Variants in SLC26A8 observed in about 807,000 individuals in gnomAD.
SLC26A8 encodes the protein solute carrier family 26 member 8, also known as testis anion transporter 1.
In SLC26A8, 70 loss-of-function variants were observed where a neutral mutation model predicts 105.0. The observed-to-expected ratio is 0.67, with a 90% CI of 0.55 to 0.81. The LOEUF is 0.81. Ranked by LOEUF, SLC26A8 falls within the 40% of genes least tolerant of loss-of-function variation. The pLI, the probability that SLC26A8 is intolerant of heterozygous loss-of-function variation, is 0.00. For synonymous variants in SLC26A8, 415 were observed against 438.3 expected (o/e 0.95, Z 0.66); for missense variants, 998 against 1,181.8 (o/e 0.84, Z 2.28).
intron 14 of SLC26A8, 117 bp downstream of exon 14, chr6:35,960,726 T>C: frequency 1.1e-6 from 1 of 947,756 alleles, no homozygotes; most frequent in East Asian, 2.4e-5. Flanking sequence ...CCCTCCTTTG[T>C]AAATGTGTAT....
chr6:35,976,656 T>C (rs994791593), intron 9 of SLC26A8, among the ~76,000 whole-genome samples: 2 of 147,872 alleles, frequency 1.4e-5, no homozygotes, highest in African/African-American at 5.0e-5. Context: ...TTCTCCTGCC[T>C]CTGCCTCCCG....
At chr6:35,954,309 A>T (rs941604301) in intron 17 of SLC26A8, among the ~76,000 whole-genome samples, 3 of 152,094 alleles carry the variant, frequency 2.0e-5, no homozygotes, top group Admixed American at 6.6e-5. Context: ...GTGAGGAAGG[A>T]AGTGGGGAAG....
intron 16 of SLC26A8, among the ~76,000 whole-genome samples, chr6:35,957,379 T>A (rs564046811): frequency 2.6e-5 from 4 of 152,104 alleles, no homozygotes; most frequent in East Asian, 1.9e-4. Context: ...AAATAAATTT[T>A]AAAAATTTAA....
chr6:35,951,091 A>ACCACCCC, intron 19 of SLC26A8, 72 bp downstream of exon 19: 1 of 1,256,378 alleles, frequency 8.0e-7, no homozygotes, highest in Non-Finnish European at 1.1e-6. Flanking sequence ...CCAGCCCCCA[A>ACCACCCC]CCACCCCTCA....
intron 5 of SLC26A8, among the ~76,000 whole-genome samples, chr6:35,996,354 T>G (rs1386350446): frequency 6.6e-6 from 1 of 152,190 alleles, no homozygotes; most frequent in Non-Finnish European, 1.5e-5. Context: ...GTTCAGTAGA[T>G]GAACTTTTGG....
chr6:36,018,248 G>A (rs1032341539), intron 2 of SLC26A8, among the ~76,000 whole-genome samples: 15 of 152,204 alleles, frequency 9.9e-5, no homozygotes, highest in East Asian at 7.7e-4. Context: ...GCCTAATGGC[G>A]GTAGAAACAA....
rs572247628 is a variant in SLC26A8 at position 36,002,179 on chromosome 6, G to C, written c.329-2071C>G. 6.4e-4 allele frequency among the ~76,000 whole-genome samples: 97 copies of C among 152,164 alleles called. 1 individual carries two copies. The highest frequency in any genetic ancestry group is 2.3e-3 in the African/African-American group (94 of 41,496). On this transcript the variant is annotated intron_variant, in intron 3 of 19. Transcript: ENST00000490799. ...AGCAAAATAGGAAATTTATTAAAAG[G>C]GTACAAAGGGCAGTTAGACCTCATC... is the stretch of plus-strand genomic sequence containing the variant.
chr6:35,984,319 A>T (rs79308599), intron 7 of SLC26A8, among the ~76,000 whole-genome samples: 145 of 116,490 alleles, frequency 1.2e-3, no homozygotes, highest in Middle Eastern at 4.3e-3. Context: ...TCTTCTTCTT[A>T]TTTTTTTTTT....
chr6:35,955,570 C>T (rs756492223), intron 16 of SLC26A8, 50 bp from the exon 17 acceptor site: 21 of 1,588,678 alleles, frequency 1.3e-5, no homozygotes, highest in African/African-American at 5.4e-5. Flanking sequence ...CAACAAGGGC[C>T]GGAAGGACTT....
chr6:36,010,289 C>T (rs1032341785), intron 3 of SLC26A8, among the ~76,000 whole-genome samples: 12 of 152,100 alleles, frequency 7.9e-5, no homozygotes, highest in East Asian at 7.7e-4. Context: ...CAACAATTTG[C>T]GTGAATCTCA....
chr6:35,966,128 G>A (rs1012412806), intron 11 of SLC26A8, among the ~76,000 whole-genome samples: 5 of 151,856 alleles, frequency 3.3e-5, no homozygotes, highest in African/African-American at 7.3e-5. Context: ...ATCTTACCAC[G>A]AGGAATGGCT....
At chr6:35,954,274 G>A (rs1771976363) in intron 17 of SLC26A8, among the ~76,000 whole-genome samples, 1 of 152,148 alleles carries the variant, frequency 6.6e-6, no homozygotes, top group South Asian at 2.1e-4. Flanking sequence ...AATCATCCTT[G>A]TCCTTTTCAC....
chr6:36,007,066 GT>G (rs1407728210), intron 3 of SLC26A8, among the ~76,000 whole-genome samples: 1 of 152,132 alleles, frequency 6.6e-6, no homozygotes, highest in Non-Finnish European at 1.5e-5. Context: ...TTCCCCCTAT[GT>G]TCAGGAAGAA....
chr6:35,975,103 G>T (rs1426888421), intron 10 of SLC26A8, among the ~76,000 whole-genome samples: 1 of 152,044 alleles, frequency 6.6e-6, no homozygotes. Context: ...TACATGGAAA[G>T]TGGGGTTTTG....
At chr6:35,954,935 G>T (rs918759058) in intron 17 of SLC26A8, 9 of 498,542 alleles carry the variant, frequency 1.8e-5, no homozygotes, top group Middle Eastern at 1.2e-3. Flanking sequence ...ACAGAGTGAG[G>T]CTCCATCTCA....
At chr6:36,000,210 G>T in intron 3 of SLC26A8, 102 bp from the exon 4 acceptor site, 1 of 721,066 alleles carries the variant, frequency 1.4e-6, no homozygotes, top group Non-Finnish European at 2.4e-6. Context: ...CATGTGTATA[G>T]CTGACTGAGT....
At chr6:35,946,894 T>A (rs919222511) in intron 19 of SLC26A8, among the ~76,000 whole-genome samples, 11 of 152,200 alleles carry the variant, frequency 7.2e-5, no homozygotes, top group Non-Finnish European at 1.2e-4. Context: ...CTCACTATGT[T>A]GTCCAGGTTG....
chr6:36,016,015 G>C (rs1449220664), intron 2 of SLC26A8, among the ~76,000 whole-genome samples: 1 of 150,802 alleles, frequency 6.6e-6, no homozygotes, highest in African/African-American at 2.4e-5. Flanking sequence ...TTCTTTTTGA[G>C]ACAGAGTCTC....
At chr6:35,990,953 T>A (rs768241539) in intron 7 of SLC26A8, among the ~76,000 whole-genome samples, 1 of 152,178 alleles carries the variant, frequency 6.6e-6, no homozygotes, top group African/African-American at 2.4e-5. Context: ...TAGATAAAAG[T>A]ACTTGGAGAA....
Sources: allele counts gnomAD v4.1 joint callset (sites outside exome capture counted in the v4.1 genomes callset), GRCh38; gene constraint gnomAD v4.1.1; transcripts MANE v1.5; gene names NCBI Gene and HGNC (gene_info 2026-07-23, HGNC 2026-07-21).